Variants in SPTBN1 observed in about 807,000 individuals in gnomAD.
SPTBN1 encodes the protein spectrin beta chain, non-erythrocytic 1.
A neutral mutation model predicts 266.4 loss-of-function variants in SPTBN1; 32 were observed. The observed-to-expected ratio is 0.12, with a 90% CI of 0.09 to 0.16. SPTBN1 has a LOEUF of 0.16. SPTBN1 is among the 10% of genes least tolerant of loss of function. The probability of loss-of-function intolerance (pLI) is 1.00; values close to 1 mark genes in which losing one functional copy is unlikely to be tolerated. For synonymous variants in SPTBN1, 1,336 were observed against 1,162.2 expected, an observed-to-expected ratio of 1.15 and a Z score of -3.04; for missense variants, 2,296 against 3,067.1, an observed-to-expected ratio of 0.75 and a Z score of 5.94.
intron 2 of SPTBN1, among the ~76,000 whole-genome samples, chr2:54,530,037 A>C (rs1310334266): frequency 1.3e-5 from 2 of 152,050 alleles, no homozygotes; most frequent in Non-Finnish European, 2.9e-5. Flanking sequence ...GCATGTTCTA[A>C]AGCGAGACAT....
Position 54,647,243 on chromosome 2 carries a change from C to A in SPTBN1, c.4979C>A (p.Ala1660Asp). 6.2e-7 allele frequency: 1 copy of A among 1,613,902 alleles called. No homozygotes were observed. Among genetic ancestry groups the A allele is most frequent in the African/African-American group, 1.3e-5 (1 of 75,052 alleles). Residue 1660 changes from alanine to aspartate, a missense_variant, in exon 24 of 36, where the codon GCC becomes GAC. This residue lies in a region of SPTBN1 where 644 missense variants were observed against 745.3 expected (regional missense o/e 0.86). Coordinates refer to ENST00000356805, the MANE Select transcript of SPTBN1 (RefSeq NM_003128.3). ...QLSKTSRALVADSHPESERIS... is the reference protein window; with the variant it reads ...QLSKTSRALVDDSHPESERIS... ...TCCAAGACCAGCCGGGCCCTGGTGG[C>A]CGACAGCCATCCTGAAAGGTGAGCG... is the stretch of plus-strand genomic sequence containing the variant.
At chr2:54,534,693 G>C (rs1039889421) in intron 2 of SPTBN1, among the ~76,000 whole-genome samples, 1 of 152,138 alleles carries the variant, frequency 6.6e-6, no homozygotes, top group East Asian at 1.9e-4. Flanking sequence ...TCTGAAATCA[G>C]CTTGGATTCC....
At chr2:54,553,248 A>G (rs559597568) in intron 2 of SPTBN1, among the ~76,000 whole-genome samples, 1 of 152,232 alleles carries the variant, frequency 6.6e-6, no homozygotes, top group South Asian at 2.1e-4. Context: ...GTAGTTAGGG[A>G]GTGGGAGGCT....
At chr2:54,642,010 T>G (rs1292556203) in intron 18 of SPTBN1, among the ~76,000 whole-genome samples, 1 of 152,220 alleles carries the variant, frequency 6.6e-6, no homozygotes, top group Non-Finnish European at 1.5e-5. Flanking sequence ...AGAAGGGACA[T>G]GGTCCCTTCA....
At position 54,626,214 on chromosome 2, in the gene SPTBN1, G is replaced by T; in HGVS notation, c.1624G>T (p.Asp542Tyr). The T allele has an allele frequency of 1.9e-6, 3 of 1,613,782 alleles. No homozygotes were observed. Among genetic ancestry groups the T allele is most frequent in the Non-Finnish European group, 2.5e-6 (3 of 1,179,692 alleles). Residue 542 changes from aspartate to tyrosine, a missense_variant, in exon 12 of 36, where the codon GAC (aspartate) becomes TAC (tyrosine). Asp to Tyr is a radical substitution (Grantham distance 160). Around this residue, in one of 12 missense-constraint regions of SPTBN1, gnomAD observed 434 missense variants for 573.9 expected, o/e 0.76. Transcript: ENST00000356805. The surrounding 1 kb of genome is among the most constrained non-coding windows in gnomAD (Gnocchi z 4.7). ...ATTCCAGGAAATGCTCTACATTATG[G>T]ACTGGATGGATGAAATGAAGGTAAA... is the stretch of plus-strand genomic sequence containing the variant. ...KIFQEMLYIM[D>Y]WMDEMKVLVL...
chr2:54,530,690 G>C (rs1019607435), intron 2 of SPTBN1, among the ~76,000 whole-genome samples: 1 of 152,032 alleles, frequency 6.6e-6, no homozygotes, highest in African/African-American at 2.4e-5. Context: ...TTTACTTTAC[G>C]TGTCTTCATC....
In SPTBN1 at chr2:54,659,261, G is replaced by C. The variant is rs1004072542; in HGVS notation, c.6351G>C (p.Gln2117His). 10 of 1,614,032 alleles carry C rather than the reference G, an allele frequency of 6.2e-6. No homozygotes were observed. The highest frequency in any genetic ancestry group is 8.5e-6 in the Non-Finnish European group (10 of 1,179,958). Residue 2117 changes from glutamine to histidine, a missense_variant, in exon 31 of 36, where the codon CAG becomes CAC. Physicochemically the swap from Gln to His is conservative, Grantham distance 24 (BLOSUM62 0). Coordinates refer to ENST00000356805, the MANE Select transcript of SPTBN1 (RefSeq NM_003128.3). ...TKVSEEAESQ[Q>H]QWDTSKGEQV... ...TTTCAGAGGAAGCCGAGTCCCAGCA[G>C]CAGTGGTGAGTCCCAGCAGCTCCAG... is the stretch of plus-strand genomic sequence containing the variant.
At chr2:54,614,272 G>C (rs535081031) in intron 4 of SPTBN1, among the ~76,000 whole-genome samples, 2 of 152,196 alleles carry the variant, frequency 1.3e-5, no homozygotes, top group East Asian at 3.9e-4. Flanking sequence ...ATATCTATAA[G>C]GATACTCCAC....
At chr2:54,541,287 G>C (rs1671921166) in intron 2 of SPTBN1, among the ~76,000 whole-genome samples, 1 of 152,174 alleles carries the variant, frequency 6.6e-6, no homozygotes, top group African/African-American at 2.4e-5. Context: ...TCCAGCATTT[G>C]CCCTGGGCCC....
At chr2:54,600,191 G>C (rs1676399263) in intron 3 of SPTBN1, among the ~76,000 whole-genome samples, 1 of 152,228 alleles carries the variant, frequency 6.6e-6, no homozygotes, top group South Asian at 2.1e-4. Context: ...CCGCAGGCAA[G>C]GGTCTAAGGT....
intron 19 of SPTBN1, among the ~76,000 whole-genome samples, chr2:54,643,786 C>G (rs887417768): frequency 6.6e-6 from 1 of 152,110 alleles, no homozygotes; most frequent in African/African-American, 2.4e-5. Flanking sequence ...GAGTTTCAGA[C>G]CAGCTTGGCC....
At chr2:54,459,692 A>T (rs866761596) in intron 1 of SPTBN1, among the ~76,000 whole-genome samples, 1 of 152,176 alleles carries the variant, frequency 6.6e-6, no homozygotes, top group African/African-American at 2.4e-5. Flanking sequence ...ATTTAATGGC[A>T]GCCGTAGTTT....
intron 2 of SPTBN1, among the ~76,000 whole-genome samples, chr2:54,545,955 C>G (rs1176600490): frequency 1.3e-5 from 2 of 152,138 alleles, no homozygotes; most frequent in African/African-American, 4.8e-5. Context: ...AACCTTTGTC[C>G]TTCTACAGGA....
chr2:54,462,031 T>G (rs923086315), intron 1 of SPTBN1, among the ~76,000 whole-genome samples: 7 of 152,242 alleles, frequency 4.6e-5, no homozygotes, highest in African/African-American at 1.2e-4. Flanking sequence ...GCCCAAATCC[T>G]AATGGTGTTG....
intron 2 of SPTBN1, among the ~76,000 whole-genome samples, chr2:54,595,617 T>C (rs1473782158): frequency 2.6e-5 from 4 of 152,196 alleles, no homozygotes; most frequent in African/African-American, 7.2e-5. Flanking sequence ...CTTGGTGGCG[T>C]GAGTGGGCCT....
At position 54,503,356 on chromosome 2, in the gene SPTBN1, G is replaced by A. The variant is rs557390565; in HGVS notation, c.-47-23016G>A. ...GTGTGGGGGTCTCATTGCTCATCTG[G>A]TTAGTGGCTTTGCAGTCAGAGCAAG... On this transcript the variant is annotated intron_variant, in intron 1 of 35. Coordinates refer to ENST00000356805, the MANE Select transcript of SPTBN1 (RefSeq NM_003128.3). Among the ~76,000 whole-genome samples, 14 of 152,280 alleles carry A rather than the reference G, an allele frequency of 9.2e-5. No individual in the cohort carries two copies. The South Asian group carries it at 2.9e-3, about 32-fold the overall frequency.
chr2:54,545,841 T>C (rs933519648), intron 2 of SPTBN1, among the ~76,000 whole-genome samples: 1 of 152,150 alleles, frequency 6.6e-6, no homozygotes, highest in African/African-American at 2.4e-5. Flanking sequence ...GGAGTTAGCA[T>C]GCTAACGGGC....
intron 2 of SPTBN1, among the ~76,000 whole-genome samples, chr2:54,564,072 A>G (rs1318029659): frequency 6.6e-6 from 1 of 152,212 alleles, no homozygotes; most frequent in East Asian, 1.9e-4. Context: ...TACTGCTGGC[A>G]TGGAAGATTA....
Position 54,629,506 on chromosome 2 carries a change from A to G in SPTBN1, c.2372A>G (p.Glu791Gly). The G allele has an allele frequency of 1.9e-6, 3 of 1,614,116 alleles. No homozygotes were observed. Among genetic ancestry groups the G allele is most frequent in the Non-Finnish European group, 2.5e-6 (3 of 1,180,030 alleles). The change falls in exon 14 of 36, where the codon GAA becomes GGA. Residue 791 changes from glutamate (E) to glycine (G), a missense_variant. By Grantham distance (98) the Glu-to-Gly change is moderately conservative. This residue lies in a region of SPTBN1 where 434 missense variants were observed against 573.9 expected (regional missense o/e 0.76). Coordinates refer to ENST00000356805, the MANE Select transcript of SPTBN1 (RefSeq NM_003128.3). ...SLVKKHKDVAEEIANYRPTLD... is the reference protein window; with the variant it reads ...SLVKKHKDVAGEIANYRPTLD... ...GTCAAGAAACACAAGGACGTGGCGG[A>G]AGAGATCGCCAATTACAGGCCCACC...
Sources: gnomAD v4.1 joint callset for allele counts (sites outside exome capture counted in the v4.1 genomes callset) on GRCh38, gnomAD v4.1.1 for gene constraint, gnomAD v4.1.1 regional missense constraint, Gnocchi (gnomAD v3.1) non-coding constraint, MANE v1.5 for transcripts, NCBI Gene and HGNC (gene_info 2026-07-23, HGNC 2026-07-21) for gene names.